The following ARHGAP28 variants were observed in gnomAD, a reference collection of about 807,000 sequenced individuals.
The protein encoded by ARHGAP28 is rho GTPase-activating protein 28.
A neutral mutation model predicts 90.7 loss-of-function variants in ARHGAP28; 56 were observed. The observed-to-expected ratio is 0.62, with a 90% CI of 0.50 to 0.77. The LOEUF (loss-of-function observed/expected upper bound fraction) is 0.77. Ranked by LOEUF, ARHGAP28 falls within the 30% of genes least tolerant of loss-of-function variation. The pLI is 0.00. For synonymous variants in ARHGAP28, 308 were observed against 323.3 expected, an observed-to-expected ratio of 0.95 and a Z score of 0.51; for missense variants, 869 against 900.9, an observed-to-expected ratio of 0.96 and a Z score of 0.45.
In ARHGAP28 at chr18:6,899,126, T is replaced by C. The variant is rs147370467; in HGVS notation, c.2030+2500T>C. On this transcript the variant is annotated intron_variant, in intron 16 of 17. Coordinates refer to ENST00000383472, the MANE Select transcript of ARHGAP28 (RefSeq NM_001366230.1). The stretch of plus-strand genomic sequence containing the variant: ...ACTATGGCCTATTTCAGTTTAAGTG[T>C]TGTAAACTGGCCCCAATTTTGCATC... 8.1e-4 allele frequency among the ~76,000 whole-genome samples: 124 copies of C among 152,292 alleles called. 2 individuals are homozygous for C. The East Asian group carries it at 0.022, about 27-fold the overall frequency.
intron 5 of ARHGAP28, among the ~76,000 whole-genome samples, chr18:6,866,452 T>C (rs1555633557): frequency 6.6e-6 from 1 of 152,210 alleles, no homozygotes; most frequent in Non-Finnish European, 1.5e-5. Flanking sequence ...TGTCTCCTCT[T>C]GCCTTTGGAA....
At chr18:6,847,940 T>C (rs9946132) in intron 3 of ARHGAP28, among the ~76,000 whole-genome samples, 108,481 of 151,924 alleles carry the variant, frequency 0.71, 38,910 homozygotes, top group East Asian at 0.84. Context: ...TGGGAGGTAA[T>C]GTAGGACAAG....
chr18:6,850,767 G>C, intron 3 of ARHGAP28: 1 of 1,500,014 alleles, frequency 6.7e-7, no homozygotes, highest in Non-Finnish European at 8.9e-7. Flanking sequence ...CATAAGTTAG[G>C]AAAGAAAAGA....
intron 17 of ARHGAP28, among the ~76,000 whole-genome samples, chr18:6,909,988 T>A (rs1238736698): frequency 1.3e-5 from 2 of 152,166 alleles, no homozygotes; most frequent in African/African-American, 4.8e-5. Context: ...CTACTCCCAT[T>A]TCTCTGTTCC....
chr18:6,878,072 C>A (rs1303219521), intron 10 of ARHGAP28, among the ~76,000 whole-genome samples: 1 of 151,824 alleles, frequency 6.6e-6, no homozygotes, highest in East Asian at 1.9e-4. Context: ...TTCTAAATCA[C>A]CGAAAGGAGA....
chr18:6,802,232 A>G (rs1328045718), intron 1 of ARHGAP28, among the ~76,000 whole-genome samples: 1 of 152,132 alleles, frequency 6.6e-6, no homozygotes, highest in Admixed American at 6.6e-5. Flanking sequence ...GTATTACAAT[A>G]AACATGAGAG....
chr18:6,893,084 A>G (rs1439832784), intron 14 of ARHGAP28, among the ~76,000 whole-genome samples: 3 of 152,084 alleles, frequency 2.0e-5, no homozygotes, highest in East Asian at 1.9e-4. Flanking sequence ...GTTTTCCTCA[A>G]TTTCTTCTGA....
At chr18:6,832,404 T>C (rs1292848714) in intron 2 of ARHGAP28, among the ~76,000 whole-genome samples, 1 of 152,106 alleles carries the variant, frequency 6.6e-6, no homozygotes, top group East Asian at 1.9e-4. Flanking sequence ...GTTCTGTAAA[T>C]GCTCATTAGA....
At chr18:6,827,580 T>C (rs1370976202) in intron 2 of ARHGAP28, among the ~76,000 whole-genome samples, 1 of 110,946 alleles carries the variant, frequency 9.0e-6, no homozygotes, top group Non-Finnish European at 1.9e-5. Flanking sequence ...GGCGACTGGC[T>C]GGGTGGGGGG....
intron 16 of ARHGAP28, among the ~76,000 whole-genome samples, chr18:6,899,070 C>A (rs903802816): frequency 2.6e-5 from 4 of 152,214 alleles, no homozygotes; most frequent in African/African-American, 9.6e-5. Context: ...ACAAAAAAAT[C>A]TTGCCCTATC....
At chr18:6,823,977 A>C (rs1161710241) in intron 1 of ARHGAP28, among the ~76,000 whole-genome samples, 2 of 152,158 alleles carry the variant, frequency 1.3e-5, no homozygotes, top group African/African-American at 4.8e-5. Context: ...CATTCCTGCC[A>C]ACAGTGCACA....
intron 13 of ARHGAP28, 140 bp downstream of exon 13, chr18:6,890,225 C>A: frequency 2.1e-6 from 2 of 958,062 alleles, no homozygotes; most frequent in Non-Finnish European, 3.2e-6. Context: ...CAGCCTTACA[C>A]CTTCTGGAAG....
At chr18:6,832,316 G>C (rs896755381) in intron 2 of ARHGAP28, among the ~76,000 whole-genome samples, 8 of 151,136 alleles carry the variant, frequency 5.3e-5, no homozygotes, top group African/African-American at 2.0e-4. Context: ...TTATTTTATG[G>C]CTCAGAATAT....
At chr18:6,910,291 A>T (rs1465277607) in intron 17 of ARHGAP28, among the ~76,000 whole-genome samples, 1 of 152,128 alleles carries the variant, frequency 6.6e-6, no homozygotes, top group African/African-American at 2.4e-5. Context: ...TTGTCCTCTC[A>T]GCCTTTCAAG....
In ARHGAP28 at chr18:6,782,184, G is replaced by A. The variant is rs370292086; in HGVS notation, c.123-42578G>A. On this transcript the variant is annotated intron_variant, in intron 1 of 17. Transcript: ENST00000383472. ...GCCACTGCAACTGATGAGGAGCAGA[G>A]CATGTCCTTGGTTTAGGGAGTGGGG... 1.2e-3 allele frequency among the ~76,000 whole-genome samples: 178 copies of A among 152,236 alleles called. 2 individuals are homozygous for A. The highest frequency in any genetic ancestry group is 4.0e-3 in the African/African-American group (165 of 41,540).
chr18:6,821,424 A>G (rs2056626051), intron 1 of ARHGAP28, among the ~76,000 whole-genome samples: 1 of 152,218 alleles, frequency 6.6e-6, no homozygotes, highest in Non-Finnish European at 1.5e-5. Flanking sequence ...TAAAAAGGCA[A>G]AAACAGCTGA....
chr18:6,759,122 T>C (rs985362561), intron 1 of ARHGAP28, among the ~76,000 whole-genome samples: 1 of 152,214 alleles, frequency 6.6e-6, no homozygotes, highest in Admixed American at 6.5e-5. Context: ...TCACCGTTGA[T>C]ACCTTACATA....
chr18:6,780,788 A>C (rs2056318078), intron 1 of ARHGAP28, among the ~76,000 whole-genome samples: 1 of 151,656 alleles, frequency 6.6e-6, no homozygotes, highest in African/African-American at 2.4e-5. Context: ...GCTACTCACG[A>C]GGCTGAGGCA....
intron 1 of ARHGAP28, among the ~76,000 whole-genome samples, chr18:6,821,438 A>G (rs2056626141): frequency 6.6e-6 from 1 of 152,194 alleles, no homozygotes; most frequent in Non-Finnish European, 1.5e-5. Context: ...CAGCTGATGA[A>G]GCCTAAACTC....
Sources: gnomAD v4.1 joint callset for allele counts (sites outside exome capture counted in the v4.1 genomes callset) on GRCh38, gnomAD v4.1.1 for gene constraint, MANE v1.5 for transcripts, NCBI Gene and HGNC (gene_info 2026-07-23, HGNC 2026-07-21) for gene names.